The following ZNF114 variants were observed in gnomAD, a reference collection of about 807,000 sequenced individuals.
ZNF114 encodes the protein zinc finger protein 114 (Y18).
In ZNF114, 8 loss-of-function variants were observed where a neutral mutation model predicts 6.8. The observed-to-expected ratio is 1.18, with a 90% CI of 0.69 to 2.13. ZNF114 has a LOEUF of 2.13. ZNF114 is among the 30% of genes most tolerant of loss of function. The pLI, the probability that ZNF114 is intolerant of heterozygous loss-of-function variation, is 0.00. For synonymous variants in ZNF114, 169 were observed against 185.5 expected (o/e 0.91, Z 0.72); for missense variants, 472 against 519.5 (o/e 0.91, Z 0.89).
intron 5 of ZNF114, 116 bp downstream of exon 5, chr19:48,282,613 G>A: frequency 7.8e-7 from 1 of 1,288,178 alleles, no homozygotes; most frequent in Non-Finnish European, 1.0e-6. Flanking sequence ...AGACACAGCT[G>A]CTGCCCCCCA....
chr19:48,273,809 G>A (rs1263300261), intron 3 of ZNF114, among the ~76,000 whole-genome samples: 1 of 148,044 alleles, frequency 6.8e-6, no homozygotes, highest in African/African-American at 2.5e-5. Flanking sequence ...CCAGGCTGGA[G>A]TGCAGTGGCG....
rs146879717 is a variant in ZNF114, at chr19:48,271,251, G to A, written c.-370G>A. 6.6e-6 allele frequency: 1 copy of A among 152,242 alleles called. No individual in the cohort carries two copies. Among genetic ancestry groups the A allele is most frequent in the Non-Finnish European group, 1.5e-5 (1 of 68,046 alleles). The allele number at this position is 152,242 out of a possible 1,614,324, so 9.4% of individuals were successfully genotyped here. A position where few individuals can be genotyped will look rare whatever the true frequency, so the allele number is the denominator to read the frequency against. On this transcript the variant is annotated 5_prime_UTR_variant, in exon 2 of 6. Transcript: ENST00000595607. ...TGTTTCCGCCCTTTTACAGTACTGA[G>A]GGGAAAAAAAAGCCTTCTTTCCTTG...
At position 48,285,811 on chromosome 19, in the gene ZNF114, C is replaced by A. The variant is rs1447738606; in HGVS notation, c.187C>A (p.Leu63Ile). The part of the protein sequence containing the change: ...TKDATPQPDI[L>I]PKRTFPEANR... The stretch of plus-strand genomic sequence containing the variant: ...AGACGCAACCCCTCAGCCGGATATT[C>A]TTCCTAAAAGAACATTTCCTGAAGC... Residue 63 changes from leucine to isoleucine, a missense_variant, in exon 6 of 6, where the codon CTT (leucine) becomes ATT (isoleucine). Physicochemically the swap from Leu to Ile is conservative, Grantham distance 5. Transcript: ENST00000595607. The A allele has an allele frequency of 3.7e-6, 6 of 1,613,790 alleles. No individual in the cohort carries two copies. The highest frequency in any genetic ancestry group is 1.1e-5 in the South Asian group (1 of 90,968).
In ZNF114 at chr19:48,270,226, T is replaced by G. The variant is rs1967618063; in HGVS notation, c.-377+7T>G. On this transcript the variant is annotated splice_region_variant and intron_variant, in intron 1 of 5. Transcript: ENST00000595607. ...GACGAGTCTGGGCAGCATAGTGAGT[T>G]TTCATCTCTAAAAAAAAAAAAAATT... is the stretch of plus-strand genomic sequence containing the variant. The G allele has an allele frequency of 1.3e-5, 2 of 151,082 alleles. No individual in the cohort carries two copies. The highest frequency in any genetic ancestry group is 2.9e-5 in the Non-Finnish European group (2 of 67,922). 9.4% of individuals were successfully genotyped at this position (151,082 alleles called of 1,614,324 possible). A position where few individuals can be genotyped will look rare whatever the true frequency, so the allele number is the denominator to read the frequency against.
In ZNF114 at chr19:48,286,178, A is replaced by G. The variant is rs1179597598; in HGVS notation, c.554A>G (p.Gln185Arg). 1.2e-6 allele frequency: 2 copies of G among 1,614,212 alleles called. No individual in the cohort carries two copies. The highest frequency in any genetic ancestry group is 4.5e-5 in the East Asian group (2 of 44,896). Residue 185 changes from glutamine to arginine, a missense_variant, in exon 6 of 6, where the codon CAG becomes CGG. Gln to Arg is a conservative substitution (Grantham distance 43). Transcript: ENST00000595607. ...EDDGVLGWNIQWVPCGRKTEL... is the reference protein window; with the variant it reads ...EDDGVLGWNIRWVPCGRKTEL... ...GATGGAGTCTTGGGGTGGAACATTC[A>G]GTGGGTTCCGTGTGGGAGAAAAACA...
intron 3 of ZNF114, among the ~76,000 whole-genome samples, chr19:48,275,094 A>C (rs1967788562): frequency 6.7e-6 from 1 of 149,942 alleles, no homozygotes; most frequent in South Asian, 2.1e-4. Flanking sequence ...GTGAGCTCTG[A>C]TCACACCACT....
intron 3 of ZNF114, among the ~76,000 whole-genome samples, chr19:48,277,794 G>GGGGGGTGTGTGTGTGTGTGT (rs1330052475): frequency 7.8e-4 from 93 of 119,410 alleles, no homozygotes; most frequent in African/African-American, 1.1e-3. Flanking sequence ...GGAGGCATTG[G>GGGGGGTGTGTGTGTGTGTGT]GTGTGTGTGT....
intron 4 of ZNF114, chr19:48,281,461 T>G (rs868707837): frequency 6.6e-6 from 1 of 151,796 alleles, no homozygotes; most frequent in Middle Eastern, 3.4e-3. Flanking sequence ...CAAATGACAT[T>G]CTTCCCTCTG....
Position 48,279,768 on chromosome 19 carries a change from A to G in ZNF114, c.-32A>G, listed in dbSNP as rs768016750. On this transcript the variant is annotated 5_prime_UTR_variant, in exon 4 of 6. Transcript: ENST00000595607. Reference sequence around the variant, plus strand: ...TGCCTCCTTGAAGGAAACACGGGGAAGCCAGGACTGGCCGTCACGTTGGTG... The same window carrying G: ...TGCCTCCTTGAAGGAAACACGGGGAGGCCAGGACTGGCCGTCACGTTGGTG... 2 of 1,613,956 alleles carry G rather than the reference A, an allele frequency of 1.2e-6. No homozygotes were observed. The highest frequency in any genetic ancestry group is 1.7e-6 in the Non-Finnish European group (2 of 1,179,926).
intron 3 of ZNF114, among the ~76,000 whole-genome samples, chr19:48,275,630 G>T (rs1228249832): frequency 6.6e-6 from 1 of 151,754 alleles, no homozygotes; most frequent in Admixed American, 6.6e-5. Flanking sequence ...TAATAACAAA[G>T]AAAAATTTAA....
Position 48,285,814 on chromosome 19 carries a change from C to T in ZNF114, c.190C>T (p.Pro64Ser), listed in dbSNP as rs1968108115. Residue 64 changes from proline (P) to serine (S), a missense_variant, in exon 6 of 6, where the codon CCT becomes TCT. Coordinates refer to ENST00000595607, the MANE Select transcript of ZNF114 (RefSeq NM_153608.4). ...KDATPQPDIL[P>S]KRTFPEANRV... Reference sequence around the variant, plus strand: ...CGCAACCCCTCAGCCGGATATTCTTCCTAAAAGAACATTTCCTGAAGCCAA... The same window carrying T: ...CGCAACCCCTCAGCCGGATATTCTTTCTAAAAGAACATTTCCTGAAGCCAA... The T allele has an allele frequency of 1.2e-6, 2 of 1,613,824 alleles. No homozygotes were observed. Among genetic ancestry groups the T allele is most frequent in the East Asian group, 2.2e-5 (1 of 44,900 alleles).
At position 48,286,322 on chromosome 19, in the gene ZNF114, A is replaced by G. The variant is rs150105627; in HGVS notation, c.698A>G (p.Asp233Gly). The G allele has an allele frequency of 2.3e-4, 378 of 1,614,106 alleles. 1 individual carries two copies. Among genetic ancestry groups the G allele is most frequent in the South Asian group, 1.2e-4 (11 of 91,094 alleles). Residue 233 changes from aspartate (D) to glycine (G), a missense_variant, in exon 6 of 6, where the codon GAC (aspartate) becomes GGC (glycine). Coordinates refer to ENST00000595607, the MANE Select transcript of ZNF114 (RefSeq NM_153608.4). ...CCATTTGGAAAAGCTTTCCGTGAAG[A>G]CGGATCCCTTAGGGCACACAACACT... is the stretch of plus-strand genomic sequence containing the variant. ...RNPFGKAFRE[D>G]GSLRAHNTHG... is the part of the protein sequence containing the mutation.
intron 3 of ZNF114, among the ~76,000 whole-genome samples, chr19:48,277,990 A>G (rs1027944814): frequency 4.6e-5 from 7 of 151,416 alleles, no homozygotes; most frequent in African/African-American, 1.5e-4. Context: ...TGGGGTGTGC[A>G]GTGGTGCGAT....
chr19:48,279,319 G>A (rs1967926465), intron 3 of ZNF114, among the ~76,000 whole-genome samples: 1 of 147,914 alleles, frequency 6.8e-6, no homozygotes, highest in Admixed American at 6.8e-5. Context: ...GATCACTTGA[G>A]CCCAGAAGTT....
At chr19:48,282,803 C>T (rs954493245) in intron 5 of ZNF114, among the ~76,000 whole-genome samples, 1 of 152,026 alleles carries the variant, frequency 6.6e-6, no homozygotes, top group East Asian at 1.9e-4. Context: ...ACTTCCACCC[C>T]CCAGGTTCAT....
chr19:48,278,481 C>A (rs34645619), intron 3 of ZNF114, among the ~76,000 whole-genome samples: 8,461 of 152,216 alleles, frequency 0.056, 500 homozygotes, highest in African/African-American at 0.15. Context: ...TTGTGTCTGG[C>A]TTCGTTCACT....
At chr19:48,281,487 C>T (rs1967988577) in intron 4 of ZNF114, 1 of 149,190 alleles carries the variant, frequency 6.7e-6, no homozygotes, top group African/African-American at 2.5e-5. Context: ...CTCCCTCTGT[C>T]CACATTTCCC....
chr19:48,283,800 C>G (rs1968052110), intron 5 of ZNF114, among the ~76,000 whole-genome samples: 1 of 151,850 alleles, frequency 6.6e-6, no homozygotes, highest in Admixed American at 6.6e-5. Flanking sequence ...GTGGCGCGAT[C>G]TCGGCTCACT....
At position 48,286,583 on chromosome 19, in the gene ZNF114, T is replaced by C. The variant is rs1320708140; in HGVS notation, c.959T>C (p.Met320Thr). 1 of 1,614,060 alleles carries C rather than the reference T, an allele frequency of 6.2e-7. No homozygotes were observed. The highest frequency in any genetic ancestry group is 1.7e-5 in the Admixed American group (1 of 60,002). ...GCCTTTTTTTATCAGTCATTCCTTA[T>C]GAGACATATGAAAATTCACACTGGA... ...GRAFFYQSFL[M>T]RHMKIHTGEK... The change falls in exon 6 of 6, where the codon ATG becomes ACG. Residue 320 changes from methionine to threonine, a missense_variant. By Grantham distance (81) the Met-to-Thr change is moderately conservative. Transcript: ENST00000595607.
Sources: allele counts gnomAD v4.1 joint callset (sites outside exome capture counted in the v4.1 genomes callset), GRCh38; gene constraint gnomAD v4.1.1; transcripts MANE v1.5; gene names NCBI Gene and HGNC (gene_info 2026-07-23, HGNC 2026-07-21).